Variants in SERTAD4 observed in about 807,000 individuals in gnomAD.
The protein encoded by SERTAD4 is SERTA domain containing 4, also known as SERTA domain-containing protein 4.
SERTAD4 carries 18 observed loss-of-function variants against 32.9 expected under a neutral mutation model. The observed-to-expected ratio is 0.55, with a 90% confidence interval of 0.38 to 0.81. SERTAD4 has a LOEUF of 0.81. Ranked by LOEUF, SERTAD4 falls within the 30% of genes least tolerant of loss-of-function variation. The pLI is 0.00. For missense variants in SERTAD4, 383 were observed against 426.0 expected, an observed-to-expected ratio of 0.90 and a Z score of 0.89; for synonymous variants, 150 against 156.4, an observed-to-expected ratio of 0.96 and a Z score of 0.30.
intron 1 of SERTAD4, among the ~76,000 whole-genome samples, chr1:210,236,242 T>G (rs766077320): frequency 1.4e-4 from 22 of 152,256 alleles, no homozygotes; most frequent in Non-Finnish European, 2.4e-4. Context: ...ATCGAACCTT[T>G]CTTTTGCCCA....
Position 210,241,560 on chromosome 1 carries a change from C to A in SERTAD4, c.294C>A (p.Thr98=). ...TTTTTTTTTTTTTTGGTTTGTAGAC[C>A]ATCTCAATTTTTGAGGAACGAGCCC... ...HPPLSSCSHK[T]ISIFEERAHI... is the part of the protein sequence containing the mutation. Residue 98 remains threonine (T), a splice_region_variant and synonymous_variant, in exon 4 of 4, where the codon ACC becomes ACA. Transcript: ENST00000367012. The A allele has an allele frequency of 6.6e-7, 1 of 1,505,174 alleles. No individual in the cohort carries two copies. Among genetic ancestry groups the A allele is most frequent in the South Asian group, 1.4e-5 (1 of 70,498 alleles). 93.2% of individuals were successfully genotyped at this position (1,505,174 alleles called of 1,614,324 possible). A position where few individuals can be genotyped will look rare whatever the true frequency, so the allele number is the denominator to read the frequency against.
chr1:210,233,983 GGTT>G (rs2083914062), intron 1 of SERTAD4: 5 of 311,404 alleles, frequency 1.6e-5, no homozygotes, highest in Middle Eastern at 8.3e-4. Flanking sequence ...AAGGAAACTT[GGTT>G]TTTTTTTTAA....
At position 210,244,085 on chromosome 1, in the gene SERTAD4, AGAT is replaced by A. The variant is rs2084025151; in HGVS notation, c.*1752_*1754del. 6.6e-6 allele frequency: 1 copy of A among 152,208 alleles called. No homozygotes were observed. Among genetic ancestry groups the A allele is most frequent in the Non-Finnish European group, 1.5e-5 (1 of 68,044 alleles). The allele number at this position is 152,208 out of a possible 1,614,324, so 9.4% of individuals were successfully genotyped here. On this transcript the variant is annotated 3_prime_UTR_variant, in exon 4 of 4. Transcript: ENST00000367012. ...AGGTTTTCTTGATATATATTTATTA[AGAT>A]GATAAAAATTCATTAAGTTTTTTAA... is the stretch of plus-strand genomic sequence containing the variant.
intron 2 of SERTAD4, among the ~76,000 whole-genome samples, chr1:210,239,265 T>A (rs964569041): frequency 6.6e-6 from 1 of 152,256 alleles, no homozygotes; most frequent in African/African-American, 2.4e-5. Flanking sequence ...TATTAAATGC[T>A]AAAATATGTG....
At chr1:210,240,200 ATGGGGAAAT>A (rs2083981166) in intron 3 of SERTAD4, among the ~76,000 whole-genome samples, 1 of 151,974 alleles carries the variant, frequency 6.6e-6, no homozygotes, top group Non-Finnish European at 1.5e-5. Flanking sequence ...AAAAAACAAG[ATGGGGAAAT>A]TGCATAGAAT....
intron 1 of SERTAD4, among the ~76,000 whole-genome samples, chr1:210,235,158 C>G (rs1005270969): frequency 1.3e-5 from 2 of 152,108 alleles, no homozygotes; most frequent in African/African-American, 4.8e-5. Flanking sequence ...TAATGTATAT[C>G]CTTTTCTTTA....
In SERTAD4 at chr1:210,244,694, T is replaced by C. The variant is rs774709110; in HGVS notation, c.*2357T>C. On this transcript the variant is annotated 3_prime_UTR_variant, in exon 4 of 4. Transcript: ENST00000367012. ...TTTTAAAAGCCCCAGCATTACTAGA[T>C]AGTGTTTTTCTTGAAGGCCAAAGCT... 21 of 152,090 alleles carry C rather than the reference T, an allele frequency of 1.4e-4. No homozygotes were observed. The highest frequency in any genetic ancestry group is 2.9e-4 in the Non-Finnish European group (20 of 68,004). 9.4% of individuals were successfully genotyped at this position (152,090 alleles called of 1,614,324 possible).
chr1:210,238,780 ATTCT>A (rs2083968613), intron 2 of SERTAD4, among the ~76,000 whole-genome samples: 2 of 152,314 alleles, frequency 1.3e-5, no homozygotes, highest in Admixed American at 6.5e-5. Context: ...GTTCTTCCTG[ATTCT>A]TTCTTCTTAT....
rs2083995805 is a variant in SERTAD4 at position 210,241,583 on chromosome 1, C to A, written c.317C>A (p.Ala106Asp). ...ACCATCTCAATTTTTGAGGAACGAGCCCACATCCTTTATATGTCCTTAGAA... is the reference window on the plus strand; with the variant it reads ...ACCATCTCAATTTTTGAGGAACGAGACCACATCCTTTATATGTCCTTAGAA... ...HKTISIFEERAHILYMSLEKL... is the reference protein window; with the variant it reads ...HKTISIFEERDHILYMSLEKL... The change falls in exon 4 of 4, where the codon GCC becomes GAC. Residue 106 changes from alanine to aspartate, a missense_variant. Physicochemically the swap from Ala to Asp is moderately radical, Grantham distance 126. Coordinates refer to ENST00000367012, the MANE Select transcript of SERTAD4 (RefSeq NM_019605.5). The A allele has an allele frequency of 1.3e-6, 2 of 1,572,920 alleles. No individual in the cohort carries two copies. The highest frequency in any genetic ancestry group is 1.7e-6 in the Non-Finnish European group (2 of 1,161,438).
At chr1:210,234,078 A>T (rs1185461877) in intron 1 of SERTAD4, 17 of 292,412 alleles carry the variant, frequency 5.8e-5, no homozygotes, top group Non-Finnish European at 1.1e-4. Context: ...CCGTAGAAAG[A>T]CAACTTGCCT....
chr1:210,242,347 T>C lies in SERTAD4; in HGVS notation c.*10T>C. The C allele has an allele frequency of 6.5e-7, 1 of 1,545,978 alleles. No individual in the cohort carries two copies. Among genetic ancestry groups the C allele is most frequent in the Non-Finnish European group, 8.7e-7 (1 of 1,151,896 alleles). On this transcript the variant is annotated 3_prime_UTR_variant, in exon 4 of 4. Transcript: ENST00000367012. The surrounding 1 kb of genome is among the most constrained non-coding windows in gnomAD (Gnocchi z 4.0). ...AGGAAGTAAAATATGAGCCATCTTC[T>C]CACCGAACTTTGAAGCATGCACAGC...
Position 210,241,722 on chromosome 1 carries a change from T to C in SERTAD4, c.456T>C (p.Pro152=). The C allele has an allele frequency of 6.2e-7, 1 of 1,614,192 alleles. No individual in the cohort carries two copies. The highest frequency in any genetic ancestry group is 8.5e-7 in the Non-Finnish European group (1 of 1,180,038). The change falls in exon 4 of 4, where the codon CCT becomes CCC. Residue 152 remains proline (P), a synonymous_variant. Transcript: ENST00000367012. ...TCATGCAGAATAACTGGTGCTTCCCTGCCTGCTCTTTCAATGGCACCTCTG... is the reference window on the plus strand; with the variant it reads ...TCATGCAGAATAACTGGTGCTTCCCCGCCTGCTCTTTCAATGGCACCTCTG... ...EIIMQNNWCF[P]ACSFNGTSAQ... is the part of the protein sequence containing the mutation.
intron 1 of SERTAD4, among the ~76,000 whole-genome samples, chr1:210,236,839 C>T (rs994032343): frequency 1.3e-5 from 2 of 152,184 alleles, no homozygotes; most frequent in Non-Finnish European, 2.9e-5. Flanking sequence ...ACTGTCACCA[C>T]TGGTCTATGG....
At chr1:210,238,275 G>A (rs770775609) in intron 2 of SERTAD4, 140 bp downstream of exon 2, 99 of 606,602 alleles carry the variant, frequency 1.6e-4, no homozygotes, top group Admixed American at 5.6e-4. Context: ...CTGCCTGTGC[G>A]CCTCTCATAA....
At chr1:210,238,234 A>G (rs2083962078) in intron 2 of SERTAD4, 99 bp downstream of exon 2, 1 of 737,418 alleles carries the variant, frequency 1.4e-6, no homozygotes, top group Non-Finnish European at 2.3e-6. Context: ...CCTCTGAGCC[A>G]GGAGAGCTAA....
In SERTAD4 at chr1:210,234,293, C is replaced by CCA. The variant is rs1461416579; in HGVS notation, c.-18+1296_-18+1297dup. On this transcript the variant is annotated intron_variant, in intron 1 of 3. Transcript: ENST00000367012. ...ACCTCGGACCCCACCCCCGCAACCG[C>CCA]CACACACACACACACCTTGGGCACC... is the stretch of plus-strand genomic sequence containing the variant. Among the ~76,000 whole-genome samples the CCA allele has an allele frequency of 3.9e-3, 597 of 151,530 alleles. 6 individuals are homozygous for CCA. The highest frequency in any genetic ancestry group is 0.013 in the African/African-American group (537 of 41,378).
Position 210,242,511 on chromosome 1 carries a change from C to T in SERTAD4, c.*174C>T. 7.4e-7 allele frequency: 1 copy of T among 1,347,832 alleles called. No homozygotes were observed. Among genetic ancestry groups the T allele is most frequent in the African/African-American group, 1.5e-5 (1 of 67,180 alleles). The allele number at this position is 1,347,832 out of a possible 1,614,324, so 83.5% of individuals were successfully genotyped here. A position where few individuals can be genotyped will look rare whatever the true frequency, so the allele number is the denominator to read the frequency against. Reference sequence around the variant, plus strand: ...CGTAAAACATCTGTATAGCAGGCATCAGCGAGCTTCTTATAAATGTGGTGA... The same window carrying T: ...CGTAAAACATCTGTATAGCAGGCATTAGCGAGCTTCTTATAAATGTGGTGA... On this transcript the variant is annotated 3_prime_UTR_variant, in exon 4 of 4. Transcript: ENST00000367012. The surrounding 1 kb of genome is among the most constrained non-coding windows in gnomAD (Gnocchi z 4.0).
At position 210,238,073 on chromosome 1, in the gene SERTAD4, G is replaced by C. The variant is rs1558256314; in HGVS notation, c.113G>C (p.Ser38Thr). 1.9e-6 allele frequency: 3 copies of C among 1,613,664 alleles called. No homozygotes were observed. The highest frequency in any genetic ancestry group is 4.5e-5 in the East Asian group (2 of 44,870). ...GAGGCTGACAGCTACGGAGGCCCAA[G>C]CCCCCCAGGGCCAGCACAAGCTCCT... Reference protein sequence around the residue: ...LWEADSYGGPSPPGPAQAPLQ... With the variant: ...LWEADSYGGPTPPGPAQAPLQ... Residue 38 changes from serine (S) to threonine (T), a missense_variant, in exon 2 of 4, where the codon AGC becomes ACC. Physicochemically the swap from Ser to Thr is moderately conservative, Grantham distance 58. Coordinates refer to ENST00000367012, the MANE Select transcript of SERTAD4 (RefSeq NM_019605.5).
chr1:210,242,631 C>T lies in SERTAD4; in HGVS notation c.*294C>T. 9.0e-7 allele frequency: 1 copy of T among 1,114,990 alleles called. No individual in the cohort carries two copies. The highest frequency in any genetic ancestry group is 1.6e-5 in the African/African-American group (1 of 61,852). The allele number at this position is 1,114,990 out of a possible 1,614,324, so 69.1% of individuals were successfully genotyped here. A position where few individuals can be genotyped will look rare whatever the true frequency, so the allele number is the denominator to read the frequency against. On this transcript the variant is annotated 3_prime_UTR_variant, in exon 4 of 4. Transcript: ENST00000367012. The surrounding 1 kb of genome is among the most constrained non-coding windows in gnomAD (Gnocchi z 4.0). ...AGATGAGATTGGGGGACAATGTGCC[C>T]TTGCAATATTTCCATTGCCCCCCAA...
Sources: gnomAD v4.1 joint callset for allele counts (sites outside exome capture counted in the v4.1 genomes callset) on GRCh38, gnomAD v4.1.1 for gene constraint, Gnocchi (gnomAD v3.1) non-coding constraint, MANE v1.5 for transcripts, NCBI Gene and HGNC (gene_info 2026-07-23, HGNC 2026-07-21) for gene names.